The following USP25 variants were observed in gnomAD, a reference collection of about 807,000 sequenced individuals.
The protein encoded by USP25 is ubiquitin carboxyl-terminal hydrolase 25.
In USP25, 85 loss-of-function variants were observed where a neutral mutation model predicts 158.5. That is an observed-to-expected ratio of 0.54 (90% CI 0.45 to 0.64). USP25 has a LOEUF of 0.64. USP25 is among the 30% of genes least tolerant of loss of function. The probability of loss-of-function intolerance (pLI) is 0.00; values close to 1 mark genes in which losing one functional copy is unlikely to be tolerated. For synonymous variants in USP25, 464 were observed against 460.4 expected, an observed-to-expected ratio of 1.01 and a Z score of -0.10; for missense variants, 1,242 against 1,327.3, an observed-to-expected ratio of 0.94 and a Z score of 1.00.
intron 1 of USP25, among the ~76,000 whole-genome samples, chr21:15,739,151 T>A (rs1401770533): frequency 1.3e-5 from 2 of 151,506 alleles, no homozygotes; most frequent in East Asian, 3.9e-4. Flanking sequence ...AAAAGTTTTA[T>A]GTATAATTTC....
At position 15,791,601 on chromosome 21, in the gene USP25, G is replaced by A; in HGVS notation, c.492G>A (p.Gln164=). Reference sequence around the variant, plus strand: ...GAAACCCTTATGATAGAAAAAGACAGGACAAAGCTCCCGTTGGGCTAAAGA... The same window carrying A: ...GAAACCCTTATGATAGAAAAAGACAAGACAAAGCTCCCGTTGGGCTAAAGA... ...DSRNPYDRKR[Q]DKAPVGLKNV... The change falls in exon 5 of 26, where the codon CAG becomes CAA. Residue 164 remains glutamine (Q), a synonymous_variant. Coordinates refer to ENST00000400183, the MANE Select transcript of USP25 (RefSeq NM_001283041.3). 6.2e-7 allele frequency: 1 copy of A among 1,611,610 alleles called. No homozygotes were observed. Among genetic ancestry groups the A allele is most frequent in the Non-Finnish European group, 8.5e-7 (1 of 1,178,388 alleles).
Position 15,788,201 on chromosome 21 carries a change from C to G in USP25, c.393-3301C>G, listed in dbSNP as rs550022694. On this transcript the variant is annotated intron_variant, in intron 4 of 25. Transcript: ENST00000400183. ...TTTCTCCTCTACCAGCTGGTAATAC[C>G]TGGATTTTAGCCACTGCATGTCTTA... Among the ~76,000 whole-genome samples, 262 of 151,660 alleles carry G rather than the reference C, an allele frequency of 1.7e-3. 1 individual carries two copies. Among genetic ancestry groups the G allele is most frequent in the Non-Finnish European group, 2.4e-3 (161 of 67,906 alleles).
intron 25 of USP25, 115 bp from the exon 26 acceptor site, chr21:15,878,188 C>A: frequency 7.3e-7 from 1 of 1,374,176 alleles, no homozygotes; most frequent in Non-Finnish European, 9.8e-7. Context: ...GTTTTTGTCT[C>A]CCCAAAATGG....
chr21:15,831,386 T>C lies in USP25; in HGVS notation c.1765-15T>C, dbSNP rs748684661. On this transcript the variant is annotated splice_polypyrimidine_tract_variant and intron_variant, in intron 15 of 25. Coordinates refer to ENST00000400183, the MANE Select transcript of USP25 (RefSeq NM_001283041.3). The stretch of plus-strand genomic sequence containing the variant: ...TACATAATTGCAGTTTAACTCTTCT[T>C]TTTTTCACATTTAGGTTCCTTATCG... 3.8e-5 allele frequency: 61 copies of C among 1,613,084 alleles called. 1 individual carries two copies. The South Asian group carries it at 4.0e-4, about 10-fold the overall frequency.
chr21:15,861,010 T>G (rs1403969242), intron 20 of USP25, among the ~76,000 whole-genome samples: 4 of 149,402 alleles, frequency 2.7e-5, no homozygotes, highest in South Asian at 4.2e-4. Flanking sequence ...CATAAAAAAT[T>G]AAGTCCATAA....
At chr21:15,786,556 C>T (rs994836891) in intron 4 of USP25, among the ~76,000 whole-genome samples, 1 of 152,032 alleles carries the variant, frequency 6.6e-6, no homozygotes, top group African/African-American at 2.4e-5. Context: ...GAAAAAAGCA[C>T]ATTACAAAGT....
intron 22 of USP25, 53 bp downstream of exon 22, chr21:15,866,397 C>T (rs1245611447): frequency 3.0e-6 from 4 of 1,338,974 alleles, no homozygotes; most frequent in East Asian, 2.6e-5. Context: ...CTGTAATTCA[C>T]TGATATTCCT....
chr21:15,750,764 G>A (rs1338038981), intron 1 of USP25, among the ~76,000 whole-genome samples: 3 of 151,724 alleles, frequency 2.0e-5, no homozygotes, highest in African/African-American at 4.8e-5. Context: ...CCGCCACCAC[G>A]TCCGGCTAAT....
intron 20 of USP25, among the ~76,000 whole-genome samples, chr21:15,854,740 C>T (rs2039054972): frequency 6.6e-6 from 1 of 152,064 alleles, no homozygotes; most frequent in Non-Finnish European, 1.5e-5. Context: ...GTTACCAACC[C>T]AGTCATAGGA....
chr21:15,877,859 T>G lies in USP25; in HGVS notation c.3073T>G (p.Leu1025Val). 6.2e-7 allele frequency: 1 copy of G among 1,613,498 alleles called. No individual in the cohort carries two copies. The highest frequency in any genetic ancestry group is 8.5e-7 in the Non-Finnish European group (1 of 1,179,660). ...AGAGGATCGAGAAGTAAACAATGGTTTGATTATCATGAATGAGTTTATTGT... is the reference window on the plus strand; with the variant it reads ...AGAGGATCGAGAAGTAAACAATGGTGTGATTATCATGAATGAGTTTATTGT... ...SGEDREVNNGLIIMNEFIVPF... is the reference protein window; with the variant it reads ...SGEDREVNNGVIIMNEFIVPF... Residue 1025 changes from leucine (L) to valine (V), a missense_variant, in exon 25 of 26, where the codon TTG becomes GTG. By Grantham distance (32) the Leu-to-Val change is conservative. Transcript: ENST00000400183.
chr21:15,872,329 C>T (rs2039929882), intron 23 of USP25, among the ~76,000 whole-genome samples: 1 of 152,034 alleles, frequency 6.6e-6, no homozygotes, highest in East Asian at 1.9e-4. Context: ...TTCGTAAGCA[C>T]TTTAAAGTTT....
In USP25 at chr21:15,826,508, G is replaced by A; in HGVS notation, c.1466+143G>A. 3 of 917,954 alleles carry A rather than the reference G, an allele frequency of 3.3e-6. No homozygotes were observed. Among genetic ancestry groups the A allele is most frequent in the Non-Finnish European group, 4.8e-6 (3 of 623,684 alleles). 56.9% of individuals were successfully genotyped at this position (917,954 alleles called of 1,614,324 possible). On this transcript the variant is annotated intron_variant, in intron 13 of 25. Transcript: ENST00000400183. This position sits in a 1 kb window ranked among gnomAD's most constrained non-coding sequence, Gnocchi z 4.8. ...TAAGAGTAGATTCACTTAGAAGACT[G>A]TATGTCCTCTGGGAGTTTTTTTATT...
intron 22 of USP25, among the ~76,000 whole-genome samples, chr21:15,868,892 C>G (rs1262274512): frequency 6.6e-6 from 1 of 152,144 alleles, no homozygotes; most frequent in Non-Finnish European, 1.5e-5. Context: ...ACTTGCAGGA[C>G]AAATTTTACC....
In USP25 at chr21:15,851,325, A is replaced by G. The variant is rs73892557; in HGVS notation, c.2547+1453A>G. ...GTTAGTAAGCCCCCAGTGGATAATG[A>G]CTTTCAGTTATTTAATCTGTTTGGC... is the stretch of plus-strand genomic sequence containing the variant. On this transcript the variant is annotated intron_variant, in intron 20 of 25. Coordinates refer to ENST00000400183, the MANE Select transcript of USP25 (RefSeq NM_001283041.3). 4.4e-3 allele frequency among the ~76,000 whole-genome samples: 667 copies of G among 152,222 alleles called. 2 individuals carry two copies. Among genetic ancestry groups the G allele is most frequent in the African/African-American group, 0.015 (641 of 41,552 alleles).
At chr21:15,830,663 T>C (rs563482700) in intron 15 of USP25, 62 bp downstream of exon 15, 220 of 1,292,156 alleles carry the variant, frequency 1.7e-4, no homozygotes, top group Non-Finnish European at 2.2e-4. Context: ...TTAATTTACC[T>C]TTACATTATC....
At chr21:15,755,531 C>T (rs1477868574) in intron 1 of USP25, among the ~76,000 whole-genome samples, 4 of 152,128 alleles carry the variant, frequency 2.6e-5, no homozygotes, top group Non-Finnish European at 4.4e-5. Flanking sequence ...GGAATTTGAA[C>T]GACCAAGTTT....
chr21:15,799,495 A>G (rs2036026881), intron 5 of USP25: 2 of 242,228 alleles, frequency 8.3e-6, no homozygotes, highest in African/African-American at 2.2e-5. Flanking sequence ...TTAAGTGCAT[A>G]TAAAAAGAGC....
At chr21:15,750,525 C>T (rs1322725528) in intron 1 of USP25, among the ~76,000 whole-genome samples, 5 of 151,336 alleles carry the variant, frequency 3.3e-5, no homozygotes, top group African/African-American at 7.3e-5. Flanking sequence ...CAATTGTGCC[C>T]GACCCCTTAT....
intron 24 of USP25, chr21:15,876,887 T>C (rs1229450359): frequency 1.3e-5 from 2 of 152,214 alleles, no homozygotes; most frequent in African/African-American, 2.4e-5. Flanking sequence ...TTAAAAGTCA[T>C]GTTTATCATG....
Sources: allele counts gnomAD v4.1 joint callset (sites outside exome capture counted in the v4.1 genomes callset), GRCh38; gene constraint gnomAD v4.1.1; non-coding constraint Gnocchi (gnomAD v3.1); transcripts MANE v1.5; gene names NCBI Gene and HGNC (gene_info 2026-07-23, HGNC 2026-07-21).